The following DMRT3 variants were observed in gnomAD, a reference collection of about 807,000 sequenced individuals.
The protein encoded by DMRT3 is doublesex and mab-3 related transcription factor 3.
DMRT3 carries 29 observed loss-of-function variants against 34.9 expected under a neutral mutation model. The ratio of observed to expected loss-of-function variants is 0.83; its 90% confidence interval spans 0.62 to 1.13. The LOEUF (loss-of-function observed/expected upper bound fraction) is 1.13, where lower values mean the gene tolerates loss of function less well. Among genes scored for constraint, DMRT3 ranks in the 50% most tolerant of loss-of-function variants. The pLI, the probability that DMRT3 is intolerant of heterozygous loss-of-function variation, is 0.00. For missense variants in DMRT3, 772 were observed against 629.1 expected (o/e 1.23, Z -2.43); for synonymous variants, 350 against 286.0 (o/e 1.22, Z -2.26).
chr9:985,084 C>G (rs993171608), intron 1 of DMRT3, among the ~76,000 whole-genome samples: 3 of 152,108 alleles, frequency 2.0e-5, no homozygotes, highest in African/African-American at 7.2e-5. Context: ...TTTTAAAAAC[C>G]TCTTTACCCT....
At chr9:980,787 A>G (rs1820207177) in intron 1 of DMRT3, among the ~76,000 whole-genome samples, 1 of 152,164 alleles carries the variant, frequency 6.6e-6, no homozygotes, top group South Asian at 2.1e-4. Context: ...CGTGGGCTCA[A>G]GAGCTGAGGG....
intron 1 of DMRT3, among the ~76,000 whole-genome samples, chr9:977,949 C>T (rs1409349926): frequency 6.6e-6 from 1 of 152,148 alleles, no homozygotes; most frequent in East Asian, 1.9e-4. Context: ...GCTTCTCGGC[C>T]GGCCCGGCCC....
At position 980,222 on chromosome 9, in the gene DMRT3, A is replaced by G. The variant is rs561713055; in HGVS notation, c.454+2767A>G. Among the ~76,000 whole-genome samples the G allele has an allele frequency of 1.7e-3, 262 of 152,324 alleles. 1 individual carries two copies. Among genetic ancestry groups the G allele is most frequent in the African/African-American group, 5.2e-3 (217 of 41,584 alleles). On this transcript the variant is annotated intron_variant, in intron 1 of 1. Coordinates refer to ENST00000190165, the MANE Select transcript of DMRT3 (RefSeq NM_021240.4). ...AAAACCACCCCGTTGAGGGAGTGAC[A>G]TATTCACATCAAAACTCAGTTTTGT... is the stretch of plus-strand genomic sequence containing the variant.
Position 990,670 on chromosome 9 carries a change from T to C in DMRT3, c.1084T>C (p.Phe362Leu), listed in dbSNP as rs376311315. ...CTTGGCTGGGCCTCTGCAGCCCCCTTTCCCCCAGCCACCCCGGTACCCGCT... is the reference window on the plus strand; with the variant it reads ...CTTGGCTGGGCCTCTGCAGCCCCCTCTCCCCCAGCCACCCCGGTACCCGCT... ...SPLAGPLQPP[F>L]PQPPRYPLML... is the part of the protein sequence containing the mutation. Residue 362 changes from phenylalanine (F) to leucine (L), a missense_variant, in exon 2 of 2, where the codon TTC becomes CTC. Phe to Leu is a conservative substitution (Grantham distance 22). Transcript: ENST00000190165. The C allele has an allele frequency of 3.1e-6, 5 of 1,613,946 alleles. No homozygotes were observed. In the African/African-American group the frequency reaches 6.7e-5, roughly 22 times the overall value.
At chr9:983,555 T>C (rs965980390) in intron 1 of DMRT3, among the ~76,000 whole-genome samples, 1 of 152,184 alleles carries the variant, frequency 6.6e-6, no homozygotes, top group Non-Finnish European at 1.5e-5. Context: ...ATCATCTCTG[T>C]ATGATCTTAC....
Position 990,066 on chromosome 9 carries a change from C to T in DMRT3, c.480C>T (p.Asp160=), listed in dbSNP as rs370973993. 5.1e-5 allele frequency: 82 copies of T among 1,613,484 alleles called. 1 individual carries two copies. The highest frequency in any genetic ancestry group is 1.3e-4 in the South Asian group (12 of 90,952). Residue 160 remains aspartate, a synonymous_variant, in exon 2 of 2, where the codon GAC becomes GAT. Coordinates refer to ENST00000190165, the MANE Select transcript of DMRT3 (RefSeq NM_021240.4). The part of the protein sequence containing the change: ...KPDLTEERLG[D]GKSADNTEVF... ...ATTTGACTGAAGAACGACTTGGAGA[C>T]GGCAAGTCGGCAGACAATACAGAGG...
In DMRT3 at chr9:976,801, C is replaced by T. The variant is rs1182447624; in HGVS notation, c.-201C>T. 6.6e-6 allele frequency among the ~76,000 whole-genome samples: 1 copy of T among 152,160 alleles called. No homozygotes were observed. Among genetic ancestry groups the T allele is most frequent in the Non-Finnish European group, 1.5e-5 (1 of 68,012 alleles). On this transcript the variant is annotated 5_prime_UTR_variant, in exon 1 of 2. Coordinates refer to ENST00000190165, the MANE Select transcript of DMRT3 (RefSeq NM_021240.4). The surrounding 1 kb of genome is among the most constrained non-coding windows in gnomAD (Gnocchi z 4.5). The stretch of plus-strand genomic sequence containing the variant: ...CGTTGGCTGGGCGTGAGCTGGGAGG[C>T]CGAGCTGTGAGCGCGAAGGGAGCTG...
At chr9:985,303 T>C (rs1468814071) in intron 1 of DMRT3, among the ~76,000 whole-genome samples, 2 of 152,200 alleles carry the variant, frequency 1.3e-5, no homozygotes, top group African/African-American at 4.8e-5. Context: ...TCTACCGGGG[T>C]AAAAATATTA....
chr9:988,667 A>C (rs1014729547), intron 1 of DMRT3, among the ~76,000 whole-genome samples: 2 of 152,174 alleles, frequency 1.3e-5, no homozygotes, highest in African/African-American at 4.8e-5. Flanking sequence ...GCTTTGATGA[A>C]ATTTCACCGG....
chr9:976,935 C>T lies in DMRT3; in HGVS notation c.-67C>T. On this transcript the variant is annotated 5_prime_UTR_variant, in exon 1 of 2. Transcript: ENST00000190165. The surrounding 1 kb of genome is among the most constrained non-coding windows in gnomAD (Gnocchi z 4.5). Reference sequence around the variant, plus strand: ...GCCGCCCCTGAGCGGGCCTCGCAGCCCCGCCGTCCAGCGCTCCCTGGCCCT... The same window carrying T: ...GCCGCCCCTGAGCGGGCCTCGCAGCTCCGCCGTCCAGCGCTCCCTGGCCCT... 1 of 1,376,968 alleles carries T rather than the reference C, an allele frequency of 7.3e-7. No homozygotes were observed. The highest frequency in any genetic ancestry group is 9.4e-7 in the Non-Finnish European group (1 of 1,062,430). 85.3% of individuals were successfully genotyped at this position (1,376,968 alleles called of 1,614,324 possible). A position where few individuals can be genotyped will look rare whatever the true frequency, so the allele number is the denominator to read the frequency against.
chr9:977,377 G>A lies in DMRT3; in HGVS notation c.376G>A (p.Glu126Lys). Residue 126 changes from glutamate (E) to lysine (K), a missense_variant, in exon 1 of 2, where the codon GAG becomes AAG. Coordinates refer to ENST00000190165, the MANE Select transcript of DMRT3 (RefSeq NM_021240.4). ...GCCGCAGCCGCCGCGCCCTGCTGCC[G>A]AGTTGGCCGCGGCCGCCGCGCTGCG... ...SQPQPPRPAA[E>K]LAAAAALRWT... 1 of 1,229,988 alleles carries A rather than the reference G, an allele frequency of 8.1e-7. No homozygotes were observed. Among genetic ancestry groups the A allele is most frequent in the Non-Finnish European group, 1.0e-6 (1 of 987,714 alleles). The allele number at this position is 1,229,988 out of a possible 1,614,324, so 76.2% of individuals were successfully genotyped here. A position where few individuals can be genotyped will look rare whatever the true frequency, so the allele number is the denominator to read the frequency against.
Position 991,360 on chromosome 9 carries a change from C to A in DMRT3, c.*355C>A, listed in dbSNP as rs1820361913. 1.1e-5 allele frequency: 2 copies of A among 177,168 alleles called. No individual in the cohort carries two copies. Among genetic ancestry groups the A allele is most frequent in the African/African-American group, 2.4e-5 (1 of 42,300 alleles). The allele number at this position is 177,168 out of a possible 1,614,324, so 11.0% of individuals were successfully genotyped here. A position where few individuals can be genotyped will look rare whatever the true frequency, so the allele number is the denominator to read the frequency against. On this transcript the variant is annotated 3_prime_UTR_variant, in exon 2 of 2. Transcript: ENST00000190165. ...CTGGAATGTTAAATGAAATAATATA[C>A]TTGAATGCAATTTTGTAAAAGTGGA...
intron 1 of DMRT3, among the ~76,000 whole-genome samples, chr9:980,755 C>T (rs904132664): frequency 4.6e-5 from 7 of 152,146 alleles, no homozygotes; most frequent in African/African-American, 1.4e-4. Flanking sequence ...CAGTTTTAAT[C>T]AGCCTAGCCA....
Position 977,141 on chromosome 9 carries a change from A to C in DMRT3, c.140A>C (p.Tyr47Ser), listed in dbSNP as rs997817624. ...VLSWLKGHKRYCRFKDCTCEK... is the reference protein window; with the variant it reads ...VLSWLKGHKRSCRFKDCTCEK... ...TCCTGGCTCAAGGGCCACAAGCGTT[A>C]CTGCCGCTTCAAGGACTGCACCTGC... The change falls in exon 1 of 2, where the codon TAC (tyrosine) becomes TCC (serine). Residue 47 changes from tyrosine to serine, a missense_variant. Transcript: ENST00000190165. 1 of 1,611,238 alleles carries C rather than the reference A, an allele frequency of 6.2e-7. No homozygotes were observed. The highest frequency in any genetic ancestry group is 1.7e-5 in the Admixed American group (1 of 59,866).
intron 1 of DMRT3, among the ~76,000 whole-genome samples, chr9:980,794 A>C (rs557133583): frequency 1.9e-4 from 29 of 152,146 alleles, no homozygotes; most frequent in Non-Finnish European, 3.5e-4. Context: ...TCAAGAGCTG[A>C]GGGAAGTTAA....
In DMRT3 at chr9:990,733, C is replaced by G; in HGVS notation, c.1147C>G (p.Pro383Ala). 2 of 1,614,122 alleles carry G rather than the reference C, an allele frequency of 1.2e-6. No homozygotes were observed. The highest frequency in any genetic ancestry group is 1.7e-6 in the Non-Finnish European group (2 of 1,180,036). Reference protein sequence around the residue: ...RNTLARSQSSPFLPNDVTLWN... With the variant: ...RNTLARSQSSAFLPNDVTLWN... ...TACTTTGGCGAGAAGCCAGTCGAGC[C>G]CCTTTTTGCCCAATGATGTCACCCT... Residue 383 changes from proline (P) to alanine (A), a missense_variant, in exon 2 of 2, where the codon CCC becomes GCC. Physicochemically the swap from Pro to Ala is conservative, Grantham distance 27 (BLOSUM62 -1). Transcript: ENST00000190165.
intron 1 of DMRT3, among the ~76,000 whole-genome samples, chr9:979,693 C>T (rs550498357): frequency 6.6e-6 from 1 of 152,212 alleles, no homozygotes; most frequent in Non-Finnish European, 1.5e-5. Context: ...GACAGGCATA[C>T]AAGTGGATCC....
chr9:990,950 A>G lies in DMRT3; in HGVS notation c.1364A>G (p.Asp455Gly), dbSNP rs1390334215. ...AAGCAGTCCATTTACACCGAGGACG[A>G]CTATGACGAGAGGTCTGACTCCTCA... ...VSKQSIYTED[D>G]YDERSDSSDS... The change falls in exon 2 of 2, where the codon GAC becomes GGC. Residue 455 changes from aspartate to glycine, a missense_variant. By Grantham distance (94) the Asp-to-Gly change is moderately conservative. Coordinates refer to ENST00000190165, the MANE Select transcript of DMRT3 (RefSeq NM_021240.4). 1.9e-6 allele frequency: 3 copies of G among 1,614,004 alleles called. No homozygotes were observed. The highest frequency in any genetic ancestry group is 2.5e-6 in the Non-Finnish European group (3 of 1,180,046).
In DMRT3 at chr9:990,093, C is replaced by T. The variant is rs762725107; in HGVS notation, c.507C>T (p.Val169=). 2 of 1,614,070 alleles carry T rather than the reference C, an allele frequency of 1.2e-6. No homozygotes were observed. The highest frequency in any genetic ancestry group is 2.2e-5 in the South Asian group (2 of 91,072). The change falls in exon 2 of 2, where the codon GTC becomes GTT. Residue 169 remains valine (V), a synonymous_variant. Coordinates refer to ENST00000190165, the MANE Select transcript of DMRT3 (RefSeq NM_021240.4). ...GDGKSADNTE[V]FSDKDTDQRS... is the part of the protein sequence containing the mutation. ...GCAAGTCGGCAGACAATACAGAGGT[C>T]TTCAGTGACAAAGACACTGACCAGA...
Sources: allele counts gnomAD v4.1 joint callset (sites outside exome capture counted in the v4.1 genomes callset), GRCh38; gene constraint gnomAD v4.1.1; non-coding constraint Gnocchi (gnomAD v3.1); transcripts MANE v1.5; gene names NCBI Gene and HGNC (gene_info 2026-07-23, HGNC 2026-07-21).